NME7: variants seen among roughly 807,000 people sequenced by gnomAD.
The protein encoded by NME7 is NME/NM23 family member 7, also known as nucleoside diphosphate kinase 7.
A neutral mutation model predicts 49.1 loss-of-function variants in NME7; 41 were observed. The ratio of observed to expected loss-of-function variants is 0.83; its 90% CI spans 0.65 to 1.08. The LOEUF is 1.08. Ranked by LOEUF, NME7 falls within the 50% of genes least tolerant of loss-of-function variation. The pLI, the probability that NME7 is intolerant of heterozygous loss-of-function variation, is 0.00. For synonymous variants in NME7, 139 were observed against 150.6 expected (o/e 0.92, Z 0.56); for missense variants, 423 against 463.4 (o/e 0.91, Z 0.80).
At chr1:169,254,294 G>C (rs568704255) in intron 7 of NME7, among the ~76,000 whole-genome samples, 1,829 of 152,200 alleles carry the variant, frequency 0.012, 15 homozygotes, top group Non-Finnish European at 0.019. Context: ...AGTCTTGGGA[G>C]AGTGTATGTG....
In NME7 at chr1:169,258,350, AAAAAT is replaced by A. The variant is rs1170428084; in HGVS notation, c.755-20668_755-20664del. Among the ~76,000 whole-genome samples the A allele has an allele frequency of 2.7e-5, 3 of 109,336 alleles. 1 individual carries two copies. Among genetic ancestry groups the A allele is most frequent in the Non-Finnish European group, 4.3e-5 (2 of 46,730 alleles). The allele number at this position is 109,336 out of a possible 152,430, so 71.7% of individuals were successfully genotyped here. A position where few individuals can be genotyped will look rare whatever the true frequency, so the allele number is the denominator to read the frequency against. On this transcript the variant is annotated intron_variant, in intron 7 of 11. Coordinates refer to ENST00000367811, the MANE Select transcript of NME7 (RefSeq NM_013330.5). ...TGACAGAGTAAGACCTTGTCTCAAA[AAAAAT>A]AAAATAAAATAAAATAAAACATATA...
Position 169,287,053 on chromosome 1 carries a change from G to A in NME7, c.754+250C>T, listed in dbSNP as rs1232608540. The A allele has an allele frequency of 8.2e-6, 3 of 365,324 alleles. No homozygotes were observed. In the Admixed American group the frequency reaches 1.4e-4, roughly 17 times the overall value. 22.6% of individuals were successfully genotyped at this position (365,324 alleles called of 1,614,324 possible). On this transcript the variant is annotated intron_variant, in intron 7 of 11. Coordinates refer to ENST00000367811, the MANE Select transcript of NME7 (RefSeq NM_013330.5). ...ACTAAAAGTCAATTAGCCAAGATCTGTAACAGTATGACTGAGCCTGAGCAT... is the reference window on the plus strand; with the variant it reads ...ACTAAAAGTCAATTAGCCAAGATCTATAACAGTATGACTGAGCCTGAGCAT...
intron 1 of NME7, among the ~76,000 whole-genome samples, chr1:169,348,176 A>C (rs10494477): frequency 0.083 from 12,611 of 152,304 alleles, 711 homozygotes; most frequent in Admixed American, 0.19. Context: ...TACATCCACA[A>C]GTGTTAGAAG....
intron 10 of NME7, among the ~76,000 whole-genome samples, chr1:169,201,669 T>C (rs577342895): frequency 1.9e-4 from 29 of 152,216 alleles, no homozygotes; most frequent in Non-Finnish European, 4.0e-4. Context: ...TGGTAATGAA[T>C]TTATGGAGAT....
intron 9 of NME7, among the ~76,000 whole-genome samples, 186 bp from the exon 10 acceptor site, chr1:169,231,005 C>T (rs1162602766): frequency 6.6e-6 from 1 of 152,168 alleles, no homozygotes; most frequent in Non-Finnish European, 1.5e-5. Flanking sequence ...TAGATATGCT[C>T]TCTCTTCTCC....
At chr1:169,291,407 G>C (rs1473817956) in intron 6 of NME7, among the ~76,000 whole-genome samples, 2 of 152,000 alleles carry the variant, frequency 1.3e-5, no homozygotes, top group Non-Finnish European at 2.9e-5. Flanking sequence ...AACTAACACA[G>C]GAAGAGAAAA....
intron 1 of NME7, among the ~76,000 whole-genome samples, chr1:169,331,740 C>T (rs1313488360): frequency 6.6e-6 from 1 of 150,926 alleles, no homozygotes; most frequent in Non-Finnish European, 1.5e-5. Context: ...AAATAAAATA[C>T]CTAAGAATTA....
chr1:169,135,014 CAAAAAAAAAAAAA>C (rs58463903), intron 11 of NME7, among the ~76,000 whole-genome samples: 4,449 of 50,504 alleles, frequency 0.088, 340 homozygotes, highest in African/African-American at 0.3. Context: ...CCCGTCTCTA[CAAAAAAAAAAAAA>C]AAAAAAAAAA....
chr1:169,352,506 C>G (rs1356832813), intron 1 of NME7, among the ~76,000 whole-genome samples: 2 of 152,082 alleles, frequency 1.3e-5, no homozygotes, highest in African/African-American at 2.4e-5. Context: ...AGCATTTCCT[C>G]TCAGATCTGG....
At chr1:169,202,678 A>C (rs1660580839) in intron 10 of NME7, among the ~76,000 whole-genome samples, 1 of 152,150 alleles carries the variant, frequency 6.6e-6, no homozygotes, top group Non-Finnish European at 1.5e-5. Context: ...TGAGGTTAAT[A>C]ACTTTGAAAA....
At chr1:169,337,074 C>T (rs532477444) in intron 1 of NME7, among the ~76,000 whole-genome samples, 42 of 152,356 alleles carry the variant, frequency 2.8e-4, no homozygotes, top group African/African-American at 8.7e-4. Context: ...GCCGTGTGCC[C>T]GCACTCCTCA....
chr1:169,153,760 T>A (rs1186738613), intron 11 of NME7, among the ~76,000 whole-genome samples: 1 of 152,204 alleles, frequency 6.6e-6, no homozygotes, highest in African/African-American at 2.4e-5. Flanking sequence ...TACAGTGATG[T>A]GATCATGGCT....
intron 7 of NME7, among the ~76,000 whole-genome samples, chr1:169,257,727 T>C (rs150902229): frequency 1.5e-5 from 2 of 134,550 alleles, no homozygotes; most frequent in African/African-American, 2.5e-5. Context: ...GCTGGTCTAG[T>C]AGTAACAAAT....
rs1358706584 is a variant in NME7, at chr1:169,255,906, G to T, written c.755-18219C>A. Among the ~76,000 whole-genome samples, 4 of 130,602 alleles carry T rather than the reference G, an allele frequency of 3.1e-5. 1 individual carries two copies. Among genetic ancestry groups the T allele is most frequent in the African/African-American group, 5.1e-5 (2 of 39,016 alleles). 85.7% of individuals were successfully genotyped at this position (130,602 alleles called of 152,430 possible). On this transcript the variant is annotated intron_variant, in intron 7 of 11. Coordinates refer to ENST00000367811, the MANE Select transcript of NME7 (RefSeq NM_013330.5). Reference sequence around the variant, plus strand: ...GAATATTGGCCCCCACTCTCTTCTGGCTTGTAGGGTTTCTGCCGAGAGATC... The same window carrying T: ...GAATATTGGCCCCCACTCTCTTCTGTCTTGTAGGGTTTCTGCCGAGAGATC...
At chr1:169,170,791 G>C (rs1659562836) in intron 10 of NME7, among the ~76,000 whole-genome samples, 1 of 152,080 alleles carries the variant, frequency 6.6e-6, no homozygotes, top group Non-Finnish European at 1.5e-5. Flanking sequence ...GCTGGGCATG[G>C]TGGTGCGTGC....
chr1:169,196,376 T>C (rs529948584), intron 10 of NME7, among the ~76,000 whole-genome samples: 4 of 152,288 alleles, frequency 2.6e-5, no homozygotes, highest in Non-Finnish European at 4.4e-5. Context: ...CCATCTCTCA[T>C]ATTGCTTCCT....
At chr1:169,241,233 A>G (rs1305285573) in intron 7 of NME7, among the ~76,000 whole-genome samples, 2 of 152,124 alleles carry the variant, frequency 1.3e-5, no homozygotes, top group Non-Finnish European at 2.9e-5. Context: ...TTCTTAACTA[A>G]GTATGGCTTT....
rs1649120286 is a variant in NME7, at chr1:169,260,299, T to C, written c.755-22612A>G. ...TCAACTCCTCCCATGTTTTAACTTA[T>C]TATTTGGAAACCCAAGCTTTTCATA... On this transcript the variant is annotated intron_variant, in intron 7 of 11. Coordinates refer to ENST00000367811, the MANE Select transcript of NME7 (RefSeq NM_013330.5). 1.5e-5 allele frequency among the ~76,000 whole-genome samples: 2 copies of C among 133,340 alleles called. 1 individual carries two copies. The highest frequency in any genetic ancestry group is 3.5e-5 in the Non-Finnish European group (2 of 56,654). The allele number at this position is 133,340 out of a possible 152,430, so 87.5% of individuals were successfully genotyped here.
rs933961787 is a variant in NME7, at chr1:169,267,587, G to A, written c.754+19716C>T. Among the ~76,000 whole-genome samples, 2 of 132,818 alleles carry A rather than the reference G, an allele frequency of 1.5e-5. 1 individual carries two copies. Among genetic ancestry groups the A allele is most frequent in the African/African-American group, 5.1e-5 (2 of 39,282 alleles). The allele number at this position is 132,818 out of a possible 152,430, so 87.1% of individuals were successfully genotyped here. On this transcript the variant is annotated intron_variant, in intron 7 of 11. Transcript: ENST00000367811. ...AAAAACAGACACACAGACCAATGGA[G>A]CAGGATAGAGAGCCCAGATATAAAC... is the stretch of plus-strand genomic sequence containing the variant.
Sources: allele counts gnomAD v4.1 joint callset (sites outside exome capture counted in the v4.1 genomes callset), GRCh38; gene constraint gnomAD v4.1.1; transcripts MANE v1.5; gene names NCBI Gene and HGNC (gene_info 2026-07-23, HGNC 2026-07-21).